B3GLCT: variants seen among roughly 807,000 people sequenced by gnomAD.
The protein encoded by B3GLCT is beta 3-glucosyltransferase.
B3GLCT carries 65 observed loss-of-function variants against 63.4 expected under a neutral mutation model. The ratio of observed to expected loss-of-function variants is 1.03; its 90% CI spans 0.84 to 1.26. B3GLCT has a LOEUF of 1.26. B3GLCT is among the 50% of genes most tolerant of loss of function. The pLI, the probability that B3GLCT is intolerant of heterozygous loss-of-function variation, is 0.00. For synonymous variants in B3GLCT, 233 were observed against 219.2 expected, an observed-to-expected ratio of 1.06 and a Z score of -0.55; for missense variants, 577 against 604.8, an observed-to-expected ratio of 0.95 and a Z score of 0.48.
At position 31,317,569 on chromosome 13, in the gene B3GLCT, C is replaced by A; in HGVS notation, c.1068C>A (p.Ile356=). ...VIVDDDTLIS[I]SRLQHLLSCY... ...TGTGTTCCCTTTGGCATCTCAGTATCTCCAGGCTCCAGCACTTGCTTAGCT... is the reference window on the plus strand; with the variant it reads ...TGTGTTCCCTTTGGCATCTCAGTATATCCAGGCTCCAGCACTTGCTTAGCT... Residue 356 remains isoleucine, a synonymous_variant, in exon 13 of 15, where the codon ATC becomes ATA. Coordinates refer to ENST00000343307, the MANE Select transcript of B3GLCT (RefSeq NM_194318.4). The A allele has an allele frequency of 6.2e-7, 1 of 1,614,026 alleles. No homozygotes were observed. The highest frequency in any genetic ancestry group is 1.1e-5 in the South Asian group (1 of 91,066).
At chr13:31,281,281 AAAAAAC>A (rs2137871007) in intron 10 of B3GLCT, among the ~76,000 whole-genome samples, 1 of 152,268 alleles carries the variant, frequency 6.6e-6, no homozygotes, top group South Asian at 2.1e-4. Flanking sequence ...TCAGATTAAA[AAAAAAC>A]AAAAACAAAA....
At chr13:31,319,618 G>T (rs184614862) in intron 13 of B3GLCT, among the ~76,000 whole-genome samples, 2 of 152,110 alleles carry the variant, frequency 1.3e-5, no homozygotes, top group South Asian at 4.2e-4. Context: ...TCCCTTCAAT[G>T]TCTTGTGTTA....
Position 31,269,223 on chromosome 13 carries a change from G to A in B3GLCT, c.606G>A (p.Lys202=), listed in dbSNP as rs1367158437. 2.5e-6 allele frequency: 4 copies of A among 1,608,422 alleles called. No homozygotes were observed. Among genetic ancestry groups the A allele is most frequent in the Admixed American group, 1.7e-5 (1 of 59,952 alleles). The part of the protein sequence containing the change: ...LSIPLVNKLT[K]RLKSESLKSD... ...TGTCTCTATTTTCTAGGCTTACCAA[G>A]AGACTAAAGAGTGAATCCTTGAAAT... is the stretch of plus-strand genomic sequence containing the variant. The change falls in exon 8 of 15, where the codon AAG becomes AAA. Residue 202 remains lysine, a synonymous_variant. Coordinates refer to ENST00000343307, the MANE Select transcript of B3GLCT (RefSeq NM_194318.4).
At chr13:31,252,105 A>G (rs1384610738) in intron 6 of B3GLCT, among the ~76,000 whole-genome samples, 1 of 152,200 alleles carries the variant, frequency 6.6e-6, no homozygotes, top group African/African-American at 2.4e-5. Flanking sequence ...GAATTTTCAT[A>G]TCCAGCCAAA....
At chr13:31,224,347 T>A (rs1869983883) in intron 3 of B3GLCT, among the ~76,000 whole-genome samples, 1 of 152,182 alleles carries the variant, frequency 6.6e-6, no homozygotes, top group East Asian at 1.9e-4. Flanking sequence ...GAATTAATGA[T>A]GCAAGTCTGG....
chr13:31,263,747 T>C (rs2137835397), intron 7 of B3GLCT, among the ~76,000 whole-genome samples: 1 of 152,232 alleles, frequency 6.6e-6, no homozygotes, highest in East Asian at 1.9e-4. Flanking sequence ...ATTGTGTTTG[T>C]GAGATCATTG....
intron 12 of B3GLCT, among the ~76,000 whole-genome samples, chr13:31,292,201 C>T (rs2137890344): frequency 6.6e-6 from 1 of 152,130 alleles, no homozygotes; most frequent in East Asian, 1.9e-4. Flanking sequence ...TGATGTGCTG[C>T]TGGATTTGGT....
intron 4 of B3GLCT, among the ~76,000 whole-genome samples, chr13:31,236,498 T>C (rs2137785503): frequency 6.6e-6 from 1 of 152,344 alleles, no homozygotes; most frequent in African/African-American, 2.4e-5. Context: ...ATTTCTGTGA[T>C]AGTAAGTAGA....
chr13:31,317,183 G>A (rs1056464905), intron 12 of B3GLCT, among the ~76,000 whole-genome samples: 10 of 152,106 alleles, frequency 6.6e-5, no homozygotes, highest in African/African-American at 2.2e-4. Context: ...AAAGATGTGA[G>A]GATTAGTTCA....
chr13:31,201,505 T>C (rs1868665631), intron 1 of B3GLCT, among the ~76,000 whole-genome samples: 1 of 152,160 alleles, frequency 6.6e-6, no homozygotes, highest in African/African-American at 2.4e-5. Flanking sequence ...AGGGCATTGC[T>C]GGGTGGCAGC....
intron 7 of B3GLCT, among the ~76,000 whole-genome samples, 163 bp from the exon 8 acceptor site, chr13:31,269,051 G>C (rs189101882): frequency 6.6e-6 from 1 of 152,254 alleles, no homozygotes. Flanking sequence ...TCAGCCAGCC[G>C]TTGGGTTTTC....
intron 12 of B3GLCT, among the ~76,000 whole-genome samples, chr13:31,316,919 T>A (rs2137934334): frequency 6.6e-6 from 1 of 152,266 alleles, no homozygotes; most frequent in Admixed American, 6.5e-5. Context: ...GTTGGTAATG[T>A]GTGTTAAAGG....
chr13:31,250,979 G>T (rs972700035), intron 6 of B3GLCT, among the ~76,000 whole-genome samples: 8 of 152,108 alleles, frequency 5.3e-5, no homozygotes, highest in African/African-American at 1.7e-4. Flanking sequence ...ACTGGCATCT[G>T]GCAGGTGCTC....
chr13:31,200,200 G>T, intron 1 of B3GLCT, 46 bp downstream of exon 1: 1 of 1,183,692 alleles, frequency 8.4e-7, no homozygotes, highest in South Asian at 2.5e-5. Context: ...CGTGGGGTTC[G>T]CGGGCACAGT....
chr13:31,268,010 T>A (rs997149402), intron 7 of B3GLCT, among the ~76,000 whole-genome samples: 34 of 152,010 alleles, frequency 2.2e-4, no homozygotes, highest in African/African-American at 7.5e-4. Flanking sequence ...AACTTAAAAA[T>A]TTTTTTTTAA....
intron 12 of B3GLCT, among the ~76,000 whole-genome samples, chr13:31,293,576 G>A (rs1043654687): frequency 6.6e-6 from 1 of 151,914 alleles, no homozygotes; most frequent in Non-Finnish European, 1.5e-5. Flanking sequence ...TGTCTTTTTT[G>A]ATCTTTGTTG....
intron 6 of B3GLCT, among the ~76,000 whole-genome samples, chr13:31,253,618 A>AAAAAAAAAAAAAAAAAAAAAAAAACAAAC (rs1555249042): frequency 1.2e-5 from 1 of 82,266 alleles, no homozygotes; most frequent in African/African-American, 4.9e-5. Context: ...AAAAAAAAAA[A>AAAAAAAAAAAAAAAAAAAAAAAAACAAAC]AAACTAGAGA....
At position 31,274,701 on chromosome 13, in the gene B3GLCT, C is replaced by T. The variant is rs75812266; in HGVS notation, c.780+73C>T. 6 of 1,565,766 alleles carry T rather than the reference C, an allele frequency of 3.8e-6. No individual in the cohort carries two copies. In the East Asian group the frequency reaches 1.1e-4, roughly 29 times the overall value. ...GATGCTGTGCATAATGTCATCCTAGCACTTTAAAATGAATTTTAAATTCAG... is the reference window on the plus strand; with the variant it reads ...GATGCTGTGCATAATGTCATCCTAGTACTTTAAAATGAATTTTAAATTCAG... On this transcript the variant is annotated intron_variant, in intron 9 of 14. Transcript: ENST00000343307.
chr13:31,208,969 C>T (rs1869124132), intron 1 of B3GLCT, among the ~76,000 whole-genome samples: 1 of 152,140 alleles, frequency 6.6e-6, no homozygotes, highest in Non-Finnish European at 1.5e-5. Flanking sequence ...GCCGGGTCAC[C>T]CCCTCCCCTC....
Sources: allele counts gnomAD v4.1 joint callset (sites outside exome capture counted in the v4.1 genomes callset), GRCh38; gene constraint gnomAD v4.1.1; transcripts MANE v1.5; gene names NCBI Gene and HGNC (gene_info 2026-07-23, HGNC 2026-07-21).